Variants in DYM observed in about 807,000 individuals in gnomAD.
DYM encodes dymeclin.
Under a neutral mutation model 93.1 loss-of-function variants are expected in DYM, and 78 were observed. That is an observed-to-expected ratio of 0.84 (90% CI 0.70 to 1.01). The LOEUF is 1.01. DYM is among the 50% of genes least tolerant of loss of function. The probability of loss-of-function intolerance (pLI) is 0.00; values close to 1 mark genes in which losing one functional copy is unlikely to be tolerated. For synonymous variants in DYM, 321 were observed against 319.7 expected (o/e 1.00, Z -0.04); for missense variants, 789 against 845.0 (o/e 0.93, Z 0.82).
chr18:49,241,393 TCA>T (rs2094005041), intron 13 of DYM, among the ~76,000 whole-genome samples: 1 of 152,234 alleles, frequency 6.6e-6, no homozygotes, highest in African/African-American at 2.4e-5. Flanking sequence ...AGTCTGAGTC[TCA>T]GTTTCCTCAC....
rs2070992873 is a variant in DYM, at chr18:49,042,389, G to A, written c.*1666C>T. 6.6e-6 allele frequency: 1 copy of A among 152,392 alleles called. No individual in the cohort carries two copies. Among genetic ancestry groups the A allele is most frequent in the South Asian group, 2.1e-4 (1 of 4,836 alleles). The allele number at this position is 152,392 out of a possible 1,614,324, so 9.4% of individuals were successfully genotyped here. On this transcript the variant is annotated 3_prime_UTR_variant, in exon 18 of 18. Transcript: ENST00000675505. ...TTTCATTCCATCCAGACGAGGATAG[G>A]GAAGCTTCCTGCCCTACCTCGACAG... is the stretch of plus-strand genomic sequence containing the variant.
chr18:49,280,307 A>G (rs2094938472), intron 10 of DYM, among the ~76,000 whole-genome samples: 1 of 152,208 alleles, frequency 6.6e-6, no homozygotes, highest in Non-Finnish European at 1.5e-5. Context: ...TATCTGACAA[A>G]GGTACCTTAA....
chr18:49,377,504 G>A (rs899267026), intron 5 of DYM, among the ~76,000 whole-genome samples: 1 of 152,082 alleles, frequency 6.6e-6, no homozygotes, highest in Non-Finnish European at 1.5e-5. Context: ...AGGCTGCAGT[G>A]AGCCAAGATC....
At chr18:49,282,262 T>C (rs2095005322) in intron 9 of DYM, 87 bp from the exon 10 acceptor site, 11 of 1,210,154 alleles carry the variant, frequency 9.1e-6, no homozygotes, top group Non-Finnish European at 1.3e-5. Flanking sequence ...TACAACTCAA[T>C]TCCCATTAAT....
At chr18:49,152,637 T>A (rs1168570876) in intron 15 of DYM, among the ~76,000 whole-genome samples, 1 of 152,196 alleles carries the variant, frequency 6.6e-6, no homozygotes, top group Non-Finnish European at 1.5e-5. Flanking sequence ...TCTGGGTATA[T>A]ACCCAAAGGA....
rs1016229695 is a variant in DYM, at chr18:49,097,702, C to T, written c.1912-187G>A. ...TTGATAGCCGAATCAGAGGCAACCC[C>T]TCAATATCCAGGGCTGATTATTCAT... On this transcript the variant is annotated intron_variant, in intron 16 of 17. Coordinates refer to ENST00000675505, the MANE Select transcript of DYM (RefSeq NM_001353214.3). Among the ~76,000 whole-genome samples, 7 of 152,296 alleles carry T rather than the reference C, an allele frequency of 4.6e-5. 1 individual carries two copies. The South Asian group carries it at 6.2e-4, about 14-fold the overall frequency.
intron 8 of DYM, among the ~76,000 whole-genome samples, chr18:49,289,912 T>G (rs1419409249): frequency 6.6e-6 from 1 of 151,044 alleles, no homozygotes; most frequent in Non-Finnish European, 1.5e-5. Context: ...CTAGAACATT[T>G]TTAAAAGACT....
chr18:49,334,452 A>G (rs1302896176), intron 6 of DYM, among the ~76,000 whole-genome samples: 2 of 152,184 alleles, frequency 1.3e-5, no homozygotes, highest in Admixed American at 1.3e-4. Context: ...AAGATCATAA[A>G]CCCCTTTGGG....
At chr18:49,237,969 T>A (rs2093922772) in intron 13 of DYM, among the ~76,000 whole-genome samples, 1 of 151,422 alleles carries the variant, frequency 6.6e-6, no homozygotes, top group South Asian at 2.1e-4. Flanking sequence ...TCTCTGTTGG[T>A]GGATATTTGA....
chr18:49,080,630 G>A (rs866161819), intron 17 of DYM, among the ~76,000 whole-genome samples: 1,833 of 148,748 alleles, frequency 0.012, 15 homozygotes, highest in Middle Eastern at 0.022. Context: ...CGGCTGGCCG[G>A]GCGGGGGGCT....
chr18:49,116,725 C>CTAAT (rs1380751435), intron 16 of DYM, among the ~76,000 whole-genome samples: 1 of 152,196 alleles, frequency 6.6e-6, no homozygotes, highest in African/African-American at 2.4e-5. Context: ...TTTGCATTAT[C>CTAAT]ATCTTCTATC....
chr18:49,107,647 C>A (rs2080974280), intron 16 of DYM, among the ~76,000 whole-genome samples: 1 of 152,198 alleles, frequency 6.6e-6, no homozygotes, highest in Admixed American at 6.5e-5. Context: ...AGCTGCAGGT[C>A]TGTTGGAGTT....
At chr18:49,373,117 A>C (rs1456046321) in intron 5 of DYM, among the ~76,000 whole-genome samples, 1 of 152,300 alleles carries the variant, frequency 6.6e-6, no homozygotes, top group East Asian at 1.9e-4. Flanking sequence ...AATGAAAAAT[A>C]ATTTTATATT....
intron 17 of DYM, among the ~76,000 whole-genome samples, chr18:49,046,311 A>G (rs1182363108): frequency 6.6e-6 from 1 of 151,568 alleles, no homozygotes; most frequent in African/African-American, 2.4e-5. Context: ...GCGCACACAC[A>G]CACACACACC....
At chr18:49,413,270 C>T (rs1230521232) in intron 2 of DYM, 1 of 152,172 alleles carries the variant, frequency 6.6e-6, no homozygotes, top group African/African-American at 2.4e-5. Flanking sequence ...TGGCTTTAGA[C>T]AACCTTCCTA....
intron 1 of DYM, among the ~76,000 whole-genome samples, chr18:49,460,191 G>A (rs918178014): frequency 2.0e-5 from 3 of 152,146 alleles, no homozygotes; most frequent in African/African-American, 7.2e-5. Flanking sequence ...TCCCAACAGC[G>A]GACTCGGACA....
chr18:49,096,636 G>A (rs541650808), intron 17 of DYM, among the ~76,000 whole-genome samples: 1 of 152,276 alleles, frequency 6.6e-6, no homozygotes, highest in South Asian at 2.1e-4. Context: ...ATTCCCCAAA[G>A]GATCTTCTTT....
At chr18:49,186,419 T>C (rs2090436700) in intron 14 of DYM, among the ~76,000 whole-genome samples, 1 of 152,186 alleles carries the variant, frequency 6.6e-6, no homozygotes, top group Non-Finnish European at 1.5e-5. Flanking sequence ...TTCCCTGTTG[T>C]CTTCTCCTAA....
chr18:49,219,959 A>AAATT (rs1223719771), intron 13 of DYM, among the ~76,000 whole-genome samples: 3 of 149,216 alleles, frequency 2.0e-5, no homozygotes, highest in Non-Finnish European at 4.5e-5. Context: ...AGAGGAAGTC[A>AAATT]AATTGTCCCT....
Sources: gnomAD v4.1 joint callset for allele counts (sites outside exome capture counted in the v4.1 genomes callset) on GRCh38, gnomAD v4.1.1 for gene constraint, MANE v1.5 for transcripts, NCBI Gene and HGNC (gene_info 2026-07-23, HGNC 2026-07-21) for gene names.